The following DDX31 variants were observed in gnomAD, a reference collection of about 807,000 sequenced individuals.
DDX31 encodes DEAD-box helicase 31, also known as ATP-dependent DNA helicase DDX31.
Under a neutral mutation model 91.3 loss-of-function variants are expected in DDX31, and 70 were observed. The observed-to-expected ratio is 0.77, with a 90% CI of 0.63 to 0.94. DDX31 has a LOEUF of 0.94. Among genes scored for constraint, DDX31 ranks in the 40% least tolerant of loss-of-function variants. The pLI is 0.00. For synonymous variants in DDX31, 362 were observed against 350.6 expected (o/e 1.03, Z -0.36); for missense variants, 902 against 925.0 (o/e 0.98, Z 0.32).
In DDX31 at chr9:132,667,559, C is replaced by T. The variant is rs367604117; in HGVS notation, c.75+2301G>A. Among the ~76,000 whole-genome samples the T allele has an allele frequency of 7.7e-4, 117 of 152,086 alleles. 1 individual carries two copies. The South Asian group carries it at 0.019, about 25-fold the overall frequency. On this transcript the variant is annotated intron_variant, in intron 1 of 19. Coordinates refer to ENST00000372159, the MANE Select transcript of DDX31 (RefSeq NM_022779.9). ...CAGAGCTTGCAGTGAGCAGAGATCG[C>T]GCCACTGCACTCCAGCCTGGGAGAC...
intron 11 of DDX31, 93 bp from the exon 12 acceptor site, chr9:132,647,151 G>T: frequency 8.7e-7 from 1 of 1,149,652 alleles, no homozygotes; most frequent in Non-Finnish European, 1.3e-6. Context: ...ACCCATGTAT[G>T]TTAGGACTAC....
intron 19 of DDX31, among the ~76,000 whole-genome samples, chr9:132,609,027 G>A (rs987694645): frequency 4.6e-5 from 7 of 152,154 alleles, no homozygotes; most frequent in African/African-American, 9.7e-5. Flanking sequence ...CTGTATCCTC[G>A]AGTGCCCGTC....
rs1164331362 is a variant in DDX31 at position 132,648,265 on chromosome 9, G to A, written c.891C>T (p.Ile297=). ...RILDLGFEKD[I]TVILNAVNAE... ...CATTTACAGCATTAAGTATCACTGT[G>A]ATGTCCTTTTCAAAACCCAAATCCA... Residue 297 remains isoleucine, a synonymous_variant, in exon 11 of 20, where the codon ATC becomes ATT. Coordinates refer to ENST00000372159, the MANE Select transcript of DDX31 (RefSeq NM_022779.9). 11 of 1,612,310 alleles carry A rather than the reference G, an allele frequency of 6.8e-6. No individual in the cohort carries two copies. Among genetic ancestry groups the A allele is most frequent in the Non-Finnish European group, 9.3e-6 (11 of 1,179,596 alleles).
chr9:132,653,956 A>G (rs1167966458), intron 6 of DDX31, among the ~76,000 whole-genome samples: 1 of 152,220 alleles, frequency 6.6e-6, no homozygotes, highest in Non-Finnish European at 1.5e-5. Flanking sequence ...AGATTATAAT[A>G]GCAAATAAAG....
At chr9:132,602,065 C>T (rs1326373818) in intron 19 of DDX31, among the ~76,000 whole-genome samples, 2 of 152,232 alleles carry the variant, frequency 1.3e-5, no homozygotes, top group Non-Finnish European at 2.9e-5. Flanking sequence ...AACATCACTT[C>T]TATGTTTGCA....
chr9:132,635,813 G>A (rs1261769741), intron 14 of DDX31, among the ~76,000 whole-genome samples: 2 of 151,724 alleles, frequency 1.3e-5, no homozygotes, highest in Non-Finnish European at 2.9e-5. Flanking sequence ...GCATGGTGGT[G>A]CATGCCTGTA....
intron 16 of DDX31, among the ~76,000 whole-genome samples, 193 bp downstream of exon 16, chr9:132,630,071 C>A (rs145491903): frequency 6.6e-6 from 1 of 152,316 alleles, no homozygotes; most frequent in East Asian, 1.9e-4. Context: ...CTTAGTCTGG[C>A]AACGCAATGA....
Position 132,623,332 on chromosome 9 carries a change from C to T in DDX31, c.1713+2332G>A, listed in dbSNP as rs1279083500. Among the ~76,000 whole-genome samples, 7 of 151,082 alleles carry T rather than the reference C, an allele frequency of 4.6e-5. No homozygotes were observed. In the East Asian group the frequency reaches 7.9e-4, roughly 17 times the overall value. ...CAGCACTTTGGGAGGCTGAGGCGGG[C>T]GGATCACAAAGTCAAGAGATTGAGA... On this transcript the variant is annotated intron_variant, in intron 17 of 19. Transcript: ENST00000372159.
At chr9:132,636,928 G>A (rs772185321) in intron 14 of DDX31, among the ~76,000 whole-genome samples, 9 of 152,190 alleles carry the variant, frequency 5.9e-5, no homozygotes, top group Non-Finnish European at 1.3e-4. Flanking sequence ...CTATAAAATG[G>A]CTGGGAGAAC....
At chr9:132,612,425 T>C in intron 18 of DDX31, 170 bp from the exon 19 acceptor site, 2 of 660,592 alleles carry the variant, frequency 3.0e-6, no homozygotes, top group Non-Finnish European at 2.5e-6. Context: ...GTGTATTTCT[T>C]CAATTCCTAA....
Position 132,638,118 on chromosome 9 carries a change from G to A in DDX31, c.1440+3886C>T, listed in dbSNP as rs1176803895. 47 of 1,376,838 alleles carry A rather than the reference G, an allele frequency of 3.4e-5. No individual in the cohort carries two copies. The Admixed American group carries it at 4.1e-4, about 12-fold the overall frequency. The allele number at this position is 1,376,838 out of a possible 1,614,324, so 85.3% of individuals were successfully genotyped here. A position where few individuals can be genotyped will look rare whatever the true frequency, so the allele number is the denominator to read the frequency against. On this transcript the variant is annotated intron_variant, in intron 14 of 19. Transcript: ENST00000372159. ...CCGGACAGCCAAGGAGGATGCCAAG[G>A]GACAGTTGGCGCCCAGGGCGGGCTG...
At chr9:132,661,119 C>G (rs530870163) in intron 4 of DDX31, 89 bp downstream of exon 4, 1 of 1,157,212 alleles carries the variant, frequency 8.6e-7, no homozygotes, top group Non-Finnish European at 1.3e-6. Context: ...AACGCCAAGA[C>G]ACAAATTTGC....
At chr9:132,642,140 C>T (rs769492804) in intron 13 of DDX31, 77 bp from the exon 14 acceptor site, 87 of 1,267,368 alleles carry the variant, frequency 6.9e-5, no homozygotes, top group Non-Finnish European at 9.3e-5. Context: ...CTCCCTAGCT[C>T]TCTCCATCTC....
chr9:132,610,955 T>C (rs992531225), intron 19 of DDX31, among the ~76,000 whole-genome samples: 1 of 152,196 alleles, frequency 6.6e-6, no homozygotes, highest in Admixed American at 6.5e-5. Context: ...CCTCTGTCTT[T>C]GCCGTGACAG....
intron 16 of DDX31, among the ~76,000 whole-genome samples, chr9:132,625,961 T>C (rs1391053789): frequency 6.6e-6 from 1 of 152,192 alleles, no homozygotes; most frequent in East Asian, 1.9e-4. Context: ...ATTTCTTTCC[T>C]CTCTGATGAA....
chr9:132,617,084 T>C (rs1309660989), intron 18 of DDX31, among the ~76,000 whole-genome samples: 1 of 152,052 alleles, frequency 6.6e-6, no homozygotes, highest in Non-Finnish European at 1.5e-5. Flanking sequence ...CCCCCTTCAT[T>C]CCGACCAAGA....
At chr9:132,628,748 T>C (rs557603433) in intron 16 of DDX31, among the ~76,000 whole-genome samples, 37 of 152,084 alleles carry the variant, frequency 2.4e-4, no homozygotes, top group Admixed American at 7.2e-4. Flanking sequence ...CAGGAAGGAA[T>C]GGGAAAATGG....
intron 19 of DDX31, among the ~76,000 whole-genome samples, chr9:132,607,510 G>A (rs1417083806): frequency 6.6e-6 from 1 of 152,144 alleles, no homozygotes; most frequent in African/African-American, 2.4e-5. Context: ...AGAAAGGCAG[G>A]TGGCAGAAGT....
chr9:132,620,214 T>A (rs1214185306), intron 17 of DDX31, among the ~76,000 whole-genome samples: 1 of 152,012 alleles, frequency 6.6e-6, no homozygotes, highest in Non-Finnish European at 1.5e-5. Context: ...CAGAGAGGTT[T>A]CAGAATTCCA....
Sources: gnomAD v4.1 joint callset for allele counts (sites outside exome capture counted in the v4.1 genomes callset) on GRCh38, gnomAD v4.1.1 for gene constraint, MANE v1.5 for transcripts, NCBI Gene and HGNC (gene_info 2026-07-23, HGNC 2026-07-21) for gene names.